The following MESD variants were observed in gnomAD, a reference collection of about 807,000 sequenced individuals.
MESD encodes the protein LRP chaperone MESD.
A neutral mutation model predicts 12.9 loss-of-function variants in MESD; 7 were observed. The ratio of observed to expected loss-of-function variants is 0.54; its 90% CI spans 0.31 to 1.02. The LOEUF is 1.02. MESD is among the 50% of genes least tolerant of loss of function. The pLI is 0.05. For missense variants in MESD, 342 were observed against 296.7 expected (o/e 1.15, Z -1.12); for synonymous variants, 126 against 115.6 (o/e 1.09, Z -0.58).
chr15:80,954,377 C>T (rs959479676), intron 3 of MESD, among the ~76,000 whole-genome samples: 2 of 152,250 alleles, frequency 1.3e-5, no homozygotes, highest in Non-Finnish European at 2.9e-5. Context: ...CGCAACCCTC[C>T]TGCCTCCAGT....
chr15:80,970,889 T>G (rs1247568578), downstream of MESD, among the ~76,000 whole-genome samples: 3 of 152,142 alleles, frequency 2.0e-5, no homozygotes, highest in Non-Finnish European at 4.4e-5. Flanking sequence ...TAAACAGACC[T>G]AACAGGATTA....
chr15:80,976,755 T>C lies in MESD; in HGVS notation c.*2464A>G, dbSNP rs1224876721. The C allele has an allele frequency of 2.0e-5, 3 of 152,300 alleles. No homozygotes were observed. In the East Asian group the frequency reaches 5.8e-4, roughly 29 times the overall value. The allele number at this position is 152,300 out of a possible 1,614,324, so 9.4% of individuals were successfully genotyped here. Reference sequence around the variant, plus strand: ...TATAAACAAAAGTGTACCGAAATATTTTGTATGAAAATGTCCACTGCAGCA... The same window carrying C: ...TATAAACAAAAGTGTACCGAAATATCTTGTATGAAAATGTCCACTGCAGCA... On this transcript the variant is annotated 3_prime_UTR_variant, in exon 3 of 3. Coordinates refer to ENST00000261758, the MANE Select transcript of MESD (RefSeq NM_015154.3).
At chr15:80,950,855 T>C (rs1438023020) in intron 4 of MESD, 1 of 152,734 alleles carries the variant, frequency 6.5e-6, no homozygotes, top group Non-Finnish European at 1.5e-5. Flanking sequence ...TTATCCCCTT[T>C]CCTGCCCCAA....
rs560633002 is a variant in MESD at position 80,978,364 on chromosome 15, T to A, written c.*855A>T. ...AGACATCAACAGTAGCACATCATGT[T>A]ACTCTATACGAAAGCACAGATTTAG... On this transcript the variant is annotated 3_prime_UTR_variant, in exon 3 of 3. Transcript: ENST00000261758. 6.6e-6 allele frequency: 1 copy of A among 152,208 alleles called. No individual in the cohort carries two copies. Among genetic ancestry groups the A allele is most frequent in the Non-Finnish European group, 1.5e-5 (1 of 68,034 alleles). The allele number at this position is 152,208 out of a possible 1,614,324, so 9.4% of individuals were successfully genotyped here. A position where few individuals can be genotyped will look rare whatever the true frequency, so the allele number is the denominator to read the frequency against.
At chr15:80,968,160 C>A (rs1393605180) in intron 3 of MESD, among the ~76,000 whole-genome samples, 1 of 152,218 alleles carries the variant, frequency 6.6e-6, no homozygotes, top group Non-Finnish European at 1.5e-5. Context: ...CACCTGAGAG[C>A]AGGTCCTCAG....
chr15:80,954,647 G>A (rs1901927731), intron 3 of MESD, among the ~76,000 whole-genome samples: 1 of 152,072 alleles, frequency 6.6e-6, no homozygotes, highest in South Asian at 2.1e-4. Flanking sequence ...AGAGTTCATT[G>A]TCCCAGGAAC....
downstream of MESD, among the ~76,000 whole-genome samples, chr15:80,974,750 GAA>G (rs200023577): frequency 1.5e-4 from 17 of 111,596 alleles, no homozygotes; most frequent in Non-Finnish European, 2.7e-4. Flanking sequence ...AAAAGATTCA[GAA>G]AAAAAAAAAA....
chr15:80,981,909 G>C lies in MESD; in HGVS notation c.446+41C>G, dbSNP rs1272623832. 3 of 1,306,662 alleles carry C rather than the reference G, an allele frequency of 2.3e-6. No individual in the cohort carries two copies. The African/African-American group carries it at 4.4e-5, about 19-fold the overall frequency. The allele number at this position is 1,306,662 out of a possible 1,614,324, so 80.9% of individuals were successfully genotyped here. A position where few individuals can be genotyped will look rare whatever the true frequency, so the allele number is the denominator to read the frequency against. On this transcript the variant is annotated intron_variant, in intron 2 of 2. Transcript: ENST00000261758. Reference sequence around the variant, plus strand: ...ATAATAATAATAAAGAAAAGACCGAGCACAGCCTATGAGTCTCTCAGCTGG... The same window carrying C: ...ATAATAATAATAAAGAAAAGACCGACCACAGCCTATGAGTCTCTCAGCTGG...
At chr15:80,970,926 A>G (rs935240230), downstream of MESD, among the ~76,000 whole-genome samples, 2 of 152,322 alleles carry the variant, frequency 1.3e-5, no homozygotes, top group East Asian at 1.9e-4. Context: ...GGGTGATCAG[A>G]TATCACCTGG....
At position 80,957,002 on chromosome 15, in the gene MESD, T is replaced by A. The variant is rs200234531; in HGVS notation, c.*289-4706A>T. The stretch of plus-strand genomic sequence containing the variant: ...CAGCTATTTATTTATTTATTTATTT[T>A]TTTGTAGAGATGGGGTCTCACTGTG... On this transcript the variant is annotated intron_variant, in intron 3 of 4. Coordinates refer to the MESD transcript ENST00000561312. Among the ~76,000 whole-genome samples the A allele has an allele frequency of 4.9e-4, 74 of 152,150 alleles. 1 individual carries two copies. The highest frequency in any genetic ancestry group is 1.5e-3 in the South Asian group (7 of 4,822).
intron 3 of MESD, among the ~76,000 whole-genome samples, chr15:80,961,935 A>G (rs1012572097): frequency 6.6e-6 from 1 of 152,252 alleles, no homozygotes; most frequent in Admixed American, 6.5e-5. Context: ...GCATCAATTA[A>G]CGGGCGAAAT....
chr15:80,980,792 T>C (rs555959148), intron 2 of MESD, among the ~76,000 whole-genome samples: 43 of 151,444 alleles, frequency 2.8e-4, no homozygotes, highest in African/African-American at 9.2e-4. Flanking sequence ...AAACAAAAAC[T>C]TAACTGCTTT....
intron 3 of MESD, among the ~76,000 whole-genome samples, chr15:80,965,623 A>G (rs988561173): frequency 3.6e-4 from 55 of 152,364 alleles, no homozygotes; most frequent in Non-Finnish European, 6.9e-4. Context: ...CTATGCAGCC[A>G]TAAAAAAGGA....
chr15:80,948,787 T>C, exon 5 of MESD: 1 of 1,614,104 alleles, frequency 6.2e-7, no homozygotes, highest in Non-Finnish European at 8.5e-7. Flanking sequence ...GACTCATCAT[T>C]GCTTTTCAGA....
At chr15:80,972,757 T>C (rs1902316678), downstream of MESD, among the ~76,000 whole-genome samples, 1 of 152,238 alleles carries the variant, frequency 6.6e-6, no homozygotes, top group African/African-American at 2.4e-5. Context: ...GCGCAGTGGC[T>C]CACGCCTGTA....
chr15:80,951,174 G>T (rs934227236), intron 4 of MESD: 1 of 152,626 alleles, frequency 6.6e-6, no homozygotes, highest in Non-Finnish European at 1.5e-5. Flanking sequence ...TAATGCAAGG[G>T]TCTCACACTG....
chr15:80,955,443 T>C (rs1313389440), intron 3 of MESD, among the ~76,000 whole-genome samples: 2 of 138,104 alleles, frequency 1.4e-5, no homozygotes, highest in African/African-American at 5.6e-5. Context: ...TGAGCCGAGA[T>C]TGCGCCACTG....
chr15:80,981,436 C>CAAAA (rs58445538), intron 2 of MESD, among the ~76,000 whole-genome samples: 31 of 47,932 alleles, frequency 6.5e-4, no homozygotes, highest in African/African-American at 7.9e-4. Context: ...GACTCCGTCT[C>CAAAA]AAAAAAAAAA....
chr15:80,960,836 G>GAGGCAAA (rs1353599391), intron 3 of MESD, among the ~76,000 whole-genome samples: 3 of 152,184 alleles, frequency 2.0e-5, no homozygotes, highest in Non-Finnish European at 2.9e-5. Flanking sequence ...AAGGCCCCAA[G>GAGGCAAA]AGGCCGAGAC....
Sources: gnomAD v4.1 joint callset for allele counts (sites outside exome capture counted in the v4.1 genomes callset) on GRCh38, gnomAD v4.1.1 for gene constraint, MANE v1.5 for transcripts, NCBI Gene and HGNC (gene_info 2026-07-23, HGNC 2026-07-21) for gene names.